Variants in CTNNA3 observed in about 807,000 individuals in gnomAD.
CTNNA3 encodes the protein catenin alpha 3.
In CTNNA3, 76 loss-of-function variants were observed where a neutral mutation model predicts 95.7. The observed-to-expected ratio is 0.79, with a 90% confidence interval of 0.66 to 0.96. The LOEUF (loss-of-function observed/expected upper bound fraction) is 0.96. Ranked by LOEUF, CTNNA3 falls within the 40% of genes least tolerant of loss-of-function variation. CTNNA3 has a pLI of 0.00. For missense variants in CTNNA3, 1,191 were observed against 1,089.8 expected (o/e 1.09, Z -1.31); for synonymous variants, 431 against 374.4 (o/e 1.15, Z -1.74).
chr10:66,113,379 C>T (rs2082191992), intron 13 of CTNNA3, among the ~76,000 whole-genome samples: 1 of 152,138 alleles, frequency 6.6e-6, no homozygotes, highest in African/African-American at 2.4e-5. Flanking sequence ...ACCTACTAAA[C>T]ATGCTCTGAG....
At chr10:67,423,730 G>A (rs1845823812) in intron 5 of CTNNA3, among the ~76,000 whole-genome samples, 1 of 152,088 alleles carries the variant, frequency 6.6e-6, no homozygotes. Flanking sequence ...TGATAATGGA[G>A]TGTATTATTC....
At chr10:66,862,160 G>A (rs1843961419) in intron 7 of CTNNA3, among the ~76,000 whole-genome samples, 1 of 152,154 alleles carries the variant, frequency 6.6e-6, no homozygotes. Flanking sequence ...GTTGCAGTGA[G>A]CTGAGATCAC....
rs990831106 is a variant in CTNNA3 at position 67,083,070 on chromosome 10, G to A, written c.1047+97247C>T. 2.6e-5 allele frequency among the ~76,000 whole-genome samples: 4 copies of A among 152,070 alleles called. No homozygotes were observed. The East Asian group carries it at 7.7e-4, about 29-fold the overall frequency. ...CACCTAAGGGTCAGGAGAGGCAAGT[G>A]TGATCAGGGGACCAGTGAGCATCCT... On this transcript the variant is annotated intron_variant, in intron 7 of 17. Transcript: ENST00000433211.
intron 7 of CTNNA3, among the ~76,000 whole-genome samples, chr10:66,894,753 C>A (rs571812512): frequency 1.3e-4 from 20 of 151,916 alleles, no homozygotes; most frequent in Non-Finnish European, 2.7e-4. Flanking sequence ...CAAAGCACAA[C>A]AAGCTCAACA....
At chr10:66,150,396 TC>T (rs1427491597) in intron 13 of CTNNA3, among the ~76,000 whole-genome samples, 2 of 152,160 alleles carry the variant, frequency 1.3e-5, no homozygotes, top group Admixed American at 1.3e-4. Context: ...CTCGGGTATG[TC>T]TTTATCAGCA....
At chr10:66,245,486 G>A (rs1294850686) in intron 13 of CTNNA3, among the ~76,000 whole-genome samples, 2 of 152,172 alleles carry the variant, frequency 1.3e-5, no homozygotes, top group Admixed American at 1.3e-4. Flanking sequence ...TTCTTGTCCT[G>A]CAACAGGAGG....
intron 5 of CTNNA3, among the ~76,000 whole-genome samples, chr10:67,326,227 T>C (rs917648910): frequency 6.6e-6 from 1 of 152,198 alleles, no homozygotes; most frequent in Non-Finnish European, 1.5e-5. Flanking sequence ...CCATTTACAC[T>C]CAAGGTTAGT....
chr10:66,027,021 CAA>C (rs1421170694), intron 15 of CTNNA3, among the ~76,000 whole-genome samples: 1 of 151,746 alleles, frequency 6.6e-6, no homozygotes, highest in Non-Finnish European at 1.5e-5. Context: ...TAAAATAAAA[CAA>C]ATGGATATAA....
chr10:66,479,053 T>A (rs7915512), intron 11 of CTNNA3, among the ~76,000 whole-genome samples: 9,417 of 151,990 alleles, frequency 0.062, 610 homozygotes, highest in African/African-American at 0.16. Flanking sequence ...TTTATTTAGA[T>A]CTTTATGTAG....
chr10:67,298,944 C>T lies in CTNNA3; in HGVS notation c.580-79074G>A, dbSNP rs369817466. 1.4e-4 allele frequency among the ~76,000 whole-genome samples: 21 copies of T among 151,030 alleles called. No individual in the cohort carries two copies. The South Asian group carries it at 2.1e-3, about 15-fold the overall frequency. ...ATATGTTGCATTTTTTTTTTTTAGA[C>T]GAAGTCTTGCTCTGTTGCCAGGCTG... On this transcript the variant is annotated intron_variant, in intron 5 of 17. Transcript: ENST00000433211.
At chr10:66,529,909 C>A (rs137934025) in intron 10 of CTNNA3, among the ~76,000 whole-genome samples, 18 of 152,250 alleles carry the variant, frequency 1.2e-4, no homozygotes, top group African/African-American at 3.9e-4. Flanking sequence ...TCTCCAGGAC[C>A]TATTTTCACA....
intron 1 of CTNNA3, among the ~76,000 whole-genome samples, chr10:67,681,078 T>A (rs1840617256): frequency 6.6e-6 from 1 of 152,188 alleles, no homozygotes; most frequent in Admixed American, 6.5e-5. Context: ...AAGAATTAAG[T>A]ATATTAAAAA....
At chr10:67,237,136 A>G (rs1378635269) in intron 5 of CTNNA3, among the ~76,000 whole-genome samples, 1 of 51,548 alleles carries the variant, frequency 1.9e-5, no homozygotes, top group South Asian at 5.6e-4. Context: ...GTATATATAT[A>G]TATATATATA....
At chr10:67,478,018 G>C (rs9988789) in intron 5 of CTNNA3, among the ~76,000 whole-genome samples, 25,213 of 152,172 alleles carry the variant, frequency 0.17, 3,279 homozygotes, top group East Asian at 0.35. Context: ...TTGAAAACTT[G>C]CTTAAGAAAT....
chr10:67,244,626 A>T, intron 5 of CTNNA3, among the ~76,000 whole-genome samples: 1 of 152,236 alleles, frequency 6.6e-6, no homozygotes, highest in East Asian at 1.9e-4. Flanking sequence ...TTAGATAATG[A>T]TATGCTAAAA....
intron 5 of CTNNA3, among the ~76,000 whole-genome samples, chr10:67,470,456 T>C (rs1847773867): frequency 6.6e-6 from 1 of 152,240 alleles, no homozygotes; most frequent in African/African-American, 2.4e-5. Context: ...ACAAAAGTTC[T>C]TTTTAAAATC....
At chr10:66,408,402 AT>A (rs35799285) in intron 11 of CTNNA3, among the ~76,000 whole-genome samples, 37,547 of 151,882 alleles carry the variant, frequency 0.25, 4,783 homozygotes, top group South Asian at 0.37. Context: ...TATATGTCAT[AT>A]TTTAGTCACA....
At chr10:67,679,354 A>C (rs1840586304) in intron 1 of CTNNA3, among the ~76,000 whole-genome samples, 1 of 152,212 alleles carries the variant, frequency 6.6e-6, no homozygotes, top group Non-Finnish European at 1.5e-5. Flanking sequence ...TCTGAGAAGC[A>C]AAAGCACCCT....
chr10:67,195,890 G>A (rs561541449), intron 6 of CTNNA3, among the ~76,000 whole-genome samples: 6 of 151,994 alleles, frequency 3.9e-5, no homozygotes, highest in Non-Finnish European at 5.9e-5. Flanking sequence ...GGATTGACCT[G>A]ATTTACACTG....
Sources: allele counts gnomAD v4.1 joint callset (sites outside exome capture counted in the v4.1 genomes callset), GRCh38; gene constraint gnomAD v4.1.1; transcripts MANE v1.5; gene names NCBI Gene and HGNC (gene_info 2026-07-23, HGNC 2026-07-21).